COL5A1: variants seen among roughly 807,000 people sequenced by gnomAD.
The protein encoded by COL5A1 is collagen type V alpha 1 chain.
In COL5A1, 16 loss-of-function variants were observed where a neutral mutation model predicts 263.7. That is an observed-to-expected ratio of 0.06 (90% CI 0.04 to 0.09). The LOEUF is 0.09. Ranked by LOEUF, COL5A1 falls within the 10% of genes least tolerant of loss-of-function variation. The pLI is 1.00. For missense variants in COL5A1, 2,036 were observed against 2,540.5 expected, an observed-to-expected ratio of 0.80 and a Z score of 4.27; for synonymous variants, 1,012 against 1,004.5, an observed-to-expected ratio of 1.01 and a Z score of -0.14.
intron 4 of COL5A1, among the ~76,000 whole-genome samples, chr9:134,704,147 A>G (rs1451315897): frequency 6.6e-6 from 1 of 152,080 alleles, no homozygotes; most frequent in Non-Finnish European, 1.5e-5. Flanking sequence ...AGAGTCCCTT[A>G]CCCCAGGGAA....
At position 134,817,098 on chromosome 9, in the gene COL5A1, A is replaced by C. The variant is rs746397034; in HGVS notation, c.4176+19A>C. 2.9e-5 allele frequency: 46 copies of C among 1,610,372 alleles called. No homozygotes were observed. Among genetic ancestry groups the C allele is most frequent in the Non-Finnish European group, 3.5e-5 (41 of 1,176,834 alleles). ...AAAAAGGGTAAATAATCCTGCAGGC[A>C]CATCCTTGCTGTCAAATCCCTGCAT... On this transcript the variant is annotated intron_variant, in intron 53 of 65. Transcript: ENST00000371817.
chr9:134,759,690 A>T (rs1376985834), intron 18 of COL5A1, among the ~76,000 whole-genome samples: 1 of 93,816 alleles, frequency 1.1e-5, no homozygotes, highest in Non-Finnish European at 1.9e-5. Flanking sequence ...CCACACTCAT[A>T]CACATATGCA....
intron 13 of COL5A1, among the ~76,000 whole-genome samples, chr9:134,752,199 T>A (rs186762967): frequency 6.6e-6 from 1 of 152,306 alleles, no homozygotes; most frequent in Admixed American, 6.5e-5. Flanking sequence ...ATGACTCAGC[T>A]TGAGCTCAGG....
At chr9:134,748,326 C>A (rs982638571) in intron 11 of COL5A1, among the ~76,000 whole-genome samples, 1 of 151,918 alleles carries the variant, frequency 6.6e-6, no homozygotes, top group Admixed American at 6.6e-5. Flanking sequence ...CACATACATG[C>A]ACACACATGC....
intron 1 of COL5A1, among the ~76,000 whole-genome samples, chr9:134,663,456 G>T (rs892867205): frequency 6.6e-6 from 1 of 152,254 alleles, no homozygotes; most frequent in East Asian, 1.9e-4. Context: ...GGCCAACCTG[G>T]CAGGGCTGGG....
At chr9:134,729,164 A>T (rs1834770230) in intron 6 of COL5A1, among the ~76,000 whole-genome samples, 1 of 151,904 alleles carries the variant, frequency 6.6e-6, no homozygotes, top group Admixed American at 6.6e-5. Context: ...GTGGTGGGAG[A>T]GGAGAGAGGA....
At chr9:134,714,813 G>A (rs533783429) in intron 4 of COL5A1, among the ~76,000 whole-genome samples, 2,100 of 149,094 alleles carry the variant, frequency 0.014, 61 homozygotes, top group African/African-American at 0.049. Flanking sequence ...TGGTGGTGGT[G>A]GTGGAGGCGA....
At chr9:134,808,504 CACAT>C (rs1328685117) in intron 42 of COL5A1, among the ~76,000 whole-genome samples, 1 of 152,162 alleles carries the variant, frequency 6.6e-6, no homozygotes, top group Non-Finnish European at 1.5e-5. Context: ...TGTATGCATG[CACAT>C]ACATGTCAGT....
At position 134,690,981 on chromosome 9, in the gene COL5A1, G is replaced by T. The variant is rs767754583; in HGVS notation, c.179G>T (p.Gly60Val). Residue 60 changes from glycine to valine, a missense_variant, in exon 2 of 66, where the codon GGC becomes GTC. Around this residue, in one of 3 missense-constraint regions of COL5A1, gnomAD observed 600 missense variants for 634.5 expected, o/e 0.95. Transcript: ENST00000371817. ...CCTGATGGAATAACAAAGACAACAG[G>T]CTTTTGCGCCACGCGGCGATCTTCC... ...NLPDGITKTT[G>V]FCATRRSSKG... 6.2e-7 allele frequency: 1 copy of T among 1,613,880 alleles called. No homozygotes were observed. The highest frequency in any genetic ancestry group is 1.3e-5 in the African/African-American group (1 of 75,074).
chr9:134,747,205 G>C (rs11103489), intron 11 of COL5A1, among the ~76,000 whole-genome samples: 31,414 of 152,126 alleles, frequency 0.21, 3,452 homozygotes, highest in East Asian at 0.35. Context: ...GTTCATCTAC[G>C]TTCCCATTCT....
intron 25 of COL5A1, among the ~76,000 whole-genome samples, chr9:134,769,804 T>G (rs540901846): frequency 3.6e-5 from 5 of 139,840 alleles, no homozygotes; most frequent in Admixed American, 7.0e-5. Context: ...GGTGTGAAGG[T>G]GGCTGCACCC....
rs145590123 is a variant in COL5A1, at chr9:134,786,228, C to T, written c.2646+180C>T. Among the ~76,000 whole-genome samples, 330 of 152,000 alleles carry T rather than the reference C, an allele frequency of 2.2e-3. 1 individual carries two copies. Among genetic ancestry groups the T allele is most frequent in the African/African-American group, 7.6e-3 (316 of 41,466 alleles). On this transcript the variant is annotated intron_variant, in intron 31 of 65. Transcript: ENST00000371817. The stretch of plus-strand genomic sequence containing the variant: ...TGGGGGTTGTACCGCCAGGCCTCCT[C>T]ACCTTGCATCCAGCTATGTTAGGTG...
intron 11 of COL5A1, among the ~76,000 whole-genome samples, chr9:134,746,788 G>A (rs1407328466): frequency 6.6e-6 from 1 of 152,254 alleles, no homozygotes; most frequent in Non-Finnish European, 1.5e-5. Flanking sequence ...GCAAAGGCAA[G>A]GTGGGATTTC....
intron 1 of COL5A1, among the ~76,000 whole-genome samples, chr9:134,672,504 G>A (rs977329282): frequency 6.6e-6 from 1 of 152,168 alleles, no homozygotes; most frequent in African/African-American, 2.4e-5. Context: ...CTTAAAACAT[G>A]ATGAGCAAAT....
At position 134,680,833 on chromosome 9, in the gene COL5A1, G is replaced by A. The variant is rs75459542; in HGVS notation, c.110-10079G>A. 6.7e-3 allele frequency among the ~76,000 whole-genome samples: 1,019 copies of A among 152,336 alleles called. 11 individuals carry two copies. The highest frequency in any genetic ancestry group is 0.019 in the African/African-American group (800 of 41,566). ...GCAGAGGAGTTGGACGTTGATGGGA[G>A]CTTTTAGGTGGGTGCATGGAACCTG... On this transcript the variant is annotated intron_variant, in intron 1 of 65. Transcript: ENST00000371817. This position sits in a 1 kb window ranked among gnomAD's most constrained non-coding sequence, Gnocchi z 5.9.
At chr9:134,756,715 C>T (rs1317147661) in intron 16 of COL5A1, 50 bp from the exon 17 acceptor site, 2 of 1,584,794 alleles carry the variant, frequency 1.3e-6, no homozygotes, top group Non-Finnish European at 1.7e-6. Flanking sequence ...CCGGGGGTCT[C>T]AGTGAACCGG....
rs768269251 is a variant in COL5A1, at chr9:134,730,452, G to A, written c.1141G>A (p.Ala381Thr). The change falls in exon 7 of 66, where the codon GCC (alanine) becomes ACC (threonine). Residue 381 changes from alanine (A) to threonine (T), a missense_variant. By Grantham distance (58) the Ala-to-Thr change is moderately conservative. Coordinates refer to ENST00000371817, the MANE Select transcript of COL5A1 (RefSeq NM_000093.5). ...TGGGGCCGAAATTCCCACCAGCACCGCCGACACCTCCAACTCCTCCAATGT... is the reference window on the plus strand; with the variant it reads ...TGGGGCCGAAATTCCCACCAGCACCACCGACACCTCCAACTCCTCCAATGT... ...GAGAEIPTSTADTSNSSNPAP... is the reference protein window; with the variant it reads ...GAGAEIPTSTTDTSNSSNPAP... 5.6e-6 allele frequency: 9 copies of A among 1,613,986 alleles called. No homozygotes were observed. Among genetic ancestry groups the A allele is most frequent in the Admixed American group, 1.7e-5 (1 of 60,000 alleles).
chr9:134,839,397 C>G (rs1839950848), intron 65 of COL5A1, among the ~76,000 whole-genome samples: 1 of 152,186 alleles, frequency 6.6e-6, no homozygotes, highest in African/African-American at 2.4e-5. Context: ...AGAGGGGTCC[C>G]ATAAATCCCA....
rs555836536 is a variant in COL5A1, at chr9:134,758,563, G to A, written c.1935+267G>A. Reference sequence around the variant, plus strand: ...CCAGATGGGCCTACCCACCTGAGGCGCGTGAAGGGGGCAGGGAAGGAGCCC... The same window carrying A: ...CCAGATGGGCCTACCCACCTGAGGCACGTGAAGGGGGCAGGGAAGGAGCCC... On this transcript the variant is annotated intron_variant, in intron 18 of 65. Coordinates refer to ENST00000371817, the MANE Select transcript of COL5A1 (RefSeq NM_000093.5). The surrounding 1 kb of genome is among the most constrained non-coding windows in gnomAD (Gnocchi z 4.1). 4.1e-4 allele frequency among the ~76,000 whole-genome samples: 63 copies of A among 152,284 alleles called. No homozygotes were observed. The highest frequency in any genetic ancestry group is 4.1e-4 in the South Asian group (2 of 4,824).
Sources: gnomAD v4.1 joint callset for allele counts (sites outside exome capture counted in the v4.1 genomes callset) on GRCh38, gnomAD v4.1.1 for gene constraint, gnomAD v4.1.1 regional missense constraint, Gnocchi (gnomAD v3.1) non-coding constraint, MANE v1.5 for transcripts, NCBI Gene and HGNC (gene_info 2026-07-23, HGNC 2026-07-21) for gene names.